PKHD1L1: variants seen among roughly 807,000 people sequenced by gnomAD.
The protein encoded by PKHD1L1 is PKHD1 like 1.
In PKHD1L1, 434 loss-of-function variants were observed where a neutral mutation model predicts 462.9. The observed-to-expected ratio is 0.94, with a 90% CI of 0.87 to 1.02. The LOEUF (loss-of-function observed/expected upper bound fraction) is 1.02, where lower values mean the gene tolerates loss of function less well. Among genes scored for constraint, PKHD1L1 ranks in the 50% least tolerant of loss-of-function variants. The pLI is 0.00. For missense variants in PKHD1L1, 5,202 were observed against 5,096.1 expected (o/e 1.02, Z -0.63); for synonymous variants, 1,781 against 1,750.0 (o/e 1.02, Z -0.44).
rs542473862 is a variant in PKHD1L1 at position 109,418,954 on chromosome 8, G to A, written c.2361-143G>A. On this transcript the variant is annotated intron_variant, in intron 21 of 77. Coordinates refer to ENST00000378402, the MANE Select transcript of PKHD1L1 (RefSeq NM_177531.6). Reference sequence around the variant, plus strand: ...CTGCCTGCTGTGCCTTGTTACGGCTGCTTTTCTGTGCTAATAAAGCTCCCC... The same window carrying A: ...CTGCCTGCTGTGCCTTGTTACGGCTACTTTTCTGTGCTAATAAAGCTCCCC... The A allele has an allele frequency of 6.0e-4, 351 of 583,938 alleles. 7 individuals are homozygous for A. The South Asian group carries it at 0.013, about 22-fold the overall frequency. The allele number at this position is 583,938 out of a possible 1,614,324, so 36.2% of individuals were successfully genotyped here.
chr8:109,417,079 G>C (rs1307340290), intron 21 of PKHD1L1, among the ~76,000 whole-genome samples: 1 of 151,874 alleles, frequency 6.6e-6, no homozygotes, highest in Admixed American at 6.6e-5. Context: ...AGGGATGTGG[G>C]GATGGTTAAT....
At chr8:109,496,847 C>G (rs1189198956) in intron 63 of PKHD1L1, 72 bp from the exon 64 acceptor site, 5 of 1,453,704 alleles carry the variant, frequency 3.4e-6, no homozygotes, top group Non-Finnish European at 3.7e-6. Context: ...TTAACTTTAA[C>G]TGATACTGCT....
rs554466615 is a variant in PKHD1L1, at chr8:109,531,865, G to A, written c.*1775G>A. On this transcript the variant is annotated 3_prime_UTR_variant, in exon 78 of 78. Coordinates refer to ENST00000378402, the MANE Select transcript of PKHD1L1 (RefSeq NM_177531.6). ...AAAACCTCTGTTCCTGGGATAGGGA[G>A]GGGGAAAGAGACCCAACATGGGCCA... Among the ~76,000 whole-genome samples the A allele has an allele frequency of 4.7e-4, 71 of 152,196 alleles. No individual in the cohort carries two copies. The highest frequency in any genetic ancestry group is 2.9e-3 in the South Asian group (14 of 4,812).
chr8:109,412,071 T>A (rs962513185), intron 19 of PKHD1L1, among the ~76,000 whole-genome samples, 194 bp from the exon 20 acceptor site: 1 of 152,114 alleles, frequency 6.6e-6, no homozygotes, highest in African/African-American at 2.4e-5. Flanking sequence ...AGTCAAATAC[T>A]GGTATAAAGG....
Position 109,464,256 on chromosome 8 carries a change from C to T in PKHD1L1, c.7424C>T (p.Pro2475Leu). ...CAGGCTTTCCGGTTGGGGCGATATC[C>T]AATACATTGGCACCTGCTTGGAGAC... ...AGQAFRLGRY[P>L]IHWHLLGDLQ... The change falls in exon 49 of 78, where the codon CCA (proline) becomes CTA (leucine). Residue 2475 changes from proline to leucine, a missense_variant. Pro to Leu is a moderately conservative substitution (Grantham distance 98). Coordinates refer to ENST00000378402, the MANE Select transcript of PKHD1L1 (RefSeq NM_177531.6). 6.2e-7 allele frequency: 1 copy of T among 1,610,994 alleles called. No homozygotes were observed. Among genetic ancestry groups the T allele is most frequent in the Non-Finnish European group, 8.5e-7 (1 of 1,177,790 alleles).
chr8:109,397,805 A>G (rs1225118402), intron 11 of PKHD1L1, among the ~76,000 whole-genome samples: 1 of 152,188 alleles, frequency 6.6e-6, no homozygotes, highest in Non-Finnish European at 1.5e-5. Flanking sequence ...CTCACATTTC[A>G]TGGGCTGCAA....
At chr8:109,366,852 C>T (rs1811259201) in intron 2 of PKHD1L1, among the ~76,000 whole-genome samples, 1 of 152,022 alleles carries the variant, frequency 6.6e-6, no homozygotes, top group Admixed American at 6.6e-5. Context: ...GCCACCACAT[C>T]TGGCTAATTT....
Position 109,445,426 on chromosome 8 carries a change from G to T in PKHD1L1, c.5557G>T (p.Gly1853Ter). The change falls in exon 38 of 78, where the codon GGA becomes TGA. Residue 1853 changes from glycine to a stop codon, truncating the protein, a stop_gained. Transcript: ENST00000378402. LOFTEE classifies it high-confidence loss of function. ...IGGGTTLVIT[G>*]NGFYPGNTTV... ...TGGTGGAACTACACTGGTGATCACAGGAAATGGCTTCTATCCAGGCAACAC... is the reference window on the plus strand; with the variant it reads ...TGGTGGAACTACACTGGTGATCACATGAAATGGCTTCTATCCAGGCAACAC... 3.1e-6 allele frequency: 5 copies of T among 1,613,966 alleles called. No homozygotes were observed. Among genetic ancestry groups the T allele is most frequent in the Non-Finnish European group, 4.2e-6 (5 of 1,179,878 alleles).
At chr8:109,520,502 A>G (rs187565913) in intron 73 of PKHD1L1, among the ~76,000 whole-genome samples, 9 of 152,248 alleles carry the variant, frequency 5.9e-5, no homozygotes, top group Admixed American at 4.6e-4. Flanking sequence ...ATTTATCCAG[A>G]CAGGTATAAG....
At chr8:109,513,525 G>A (rs184167870) in intron 71 of PKHD1L1, among the ~76,000 whole-genome samples, 62 of 152,164 alleles carry the variant, frequency 4.1e-4, no homozygotes, top group African/African-American at 1.4e-3. Context: ...TAATAAGTAT[G>A]AAAAGAGTAT....
chr8:109,412,225 A>G lies in PKHD1L1; in HGVS notation c.2086-40A>G, dbSNP rs769151377. On this transcript the variant is annotated intron_variant, in intron 19 of 77. Transcript: ENST00000378402. ...CACACGTTGGGGGAAAACCAGAACA[A>G]TAAATCATGTTTTCATTTGAAATAT... 5 of 1,607,422 alleles carry G rather than the reference A, an allele frequency of 3.1e-6. No individual in the cohort carries two copies. The South Asian group carries it at 5.5e-5, about 18-fold the overall frequency.
At chr8:109,486,072 GT>G (rs1818511522) in intron 58 of PKHD1L1, among the ~76,000 whole-genome samples, 1 of 151,844 alleles carries the variant, frequency 6.6e-6, no homozygotes, top group Non-Finnish European at 1.5e-5. Flanking sequence ...AAAATGTAGC[GT>G]GTAATCTAGG....
At position 109,408,160 on chromosome 8, in the gene PKHD1L1, A is replaced by T. The variant is rs1284188338; in HGVS notation, c.1925A>T (p.Asp642Val). ...TTGGAGACATTCACACTGAATTGGGATGGGATCGCTTCTAAGCCACTCACT... is the reference window on the plus strand; with the variant it reads ...TTGGAGACATTCACACTGAATTGGGTTGGGATCGCTTCTAAGCCACTCACT... ...PNLETFTLNW[D>V]GIASKPLTLW... The change falls in exon 18 of 78, where the codon GAT (aspartate) becomes GTT (valine). Residue 642 changes from aspartate to valine, a missense_variant. Asp to Val is a radical substitution (Grantham distance 152). This residue lies in a region of PKHD1L1 where 4,497 missense variants were observed against 4,336.8 expected (regional missense o/e 1.04). Transcript: ENST00000378402. The T allele has an allele frequency of 6.2e-7, 1 of 1,613,122 alleles. No homozygotes were observed. The highest frequency in any genetic ancestry group is 8.5e-7 in the Non-Finnish European group (1 of 1,179,344).
At chr8:109,529,929 A>C in intron 77 of PKHD1L1, 151 bp from the exon 78 acceptor site, 1 of 399,694 alleles carries the variant, frequency 2.5e-6, no homozygotes, top group Non-Finnish European at 4.3e-6. Flanking sequence ...CAAAAAAACC[A>C]TTACTGATTC....
At chr8:109,527,124 C>A in intron 77 of PKHD1L1, 104 bp downstream of exon 77, 3 of 997,278 alleles carry the variant, frequency 3.0e-6, no homozygotes, top group Non-Finnish European at 4.4e-6. Context: ...TCACTGTGTG[C>A]ACAAAGAGAA....
chr8:109,438,357 A>C lies in PKHD1L1; in HGVS notation c.3661A>C (p.Thr1221Pro). The C allele has an allele frequency of 6.5e-7, 1 of 1,536,748 alleles. No individual in the cohort carries two copies. The highest frequency in any genetic ancestry group is 8.8e-7 in the Non-Finnish European group (1 of 1,135,382). Residue 1221 changes from threonine (T) to proline (P), a missense_variant, in exon 31 of 78, where the codon ACC becomes CCC. Thr to Pro is a conservative substitution (Grantham distance 38). This residue lies in a region of PKHD1L1 where 4,497 missense variants were observed against 4,336.8 expected (regional missense o/e 1.04). Coordinates refer to ENST00000378402, the MANE Select transcript of PKHD1L1 (RefSeq NM_177531.6). ...TEGTVDISVTTNGFQATARDA... is the reference protein window; with the variant it reads ...TEGTVDISVTPNGFQATARDA... Reference sequence around the variant, plus strand: ...GGGTACAGTTGATATTTCAGTTACTACCAATGGATTTCAAGCCACAGCAAG... The same window carrying C: ...GGGTACAGTTGATATTTCAGTTACTCCCAATGGATTTCAAGCCACAGCAAG...
intron 15 of PKHD1L1, 88 bp downstream of exon 15, chr8:109,404,801 C>T (rs952414120): frequency 1.7e-5 from 23 of 1,332,552 alleles, no homozygotes; most frequent in Non-Finnish European, 2.1e-5. Flanking sequence ...AGGTAAGATA[C>T]TGTTTTAGGT....
At chr8:109,496,888 T>C (rs759336856) in intron 63 of PKHD1L1, 31 bp from the exon 64 acceptor site, 3 of 1,584,820 alleles carry the variant, frequency 1.9e-6, no homozygotes, top group Non-Finnish European at 2.6e-6. Context: ...AAATGTAGTG[T>C]TCATTCTCTG....
At chr8:109,413,609 C>A in intron 21 of PKHD1L1, 64 bp downstream of exon 21, 1 of 1,279,758 alleles carries the variant, frequency 7.8e-7, no homozygotes, top group Non-Finnish European at 1.0e-6. Context: ...AAAGATAAGA[C>A]AAATCCATTT....
Sources: gnomAD v4.1 joint callset for allele counts (sites outside exome capture counted in the v4.1 genomes callset) on GRCh38, gnomAD v4.1.1 for gene constraint, gnomAD v4.1.1 regional missense constraint, MANE v1.5 for transcripts, NCBI Gene and HGNC (gene_info 2026-07-23, HGNC 2026-07-21) for gene names.